ST6GALNAC3: variants seen among roughly 807,000 people sequenced by gnomAD.
The protein encoded by ST6GALNAC3 is ST6 N-acetylgalactosaminide alpha-2,6-sialyltransferase 3.
In ST6GALNAC3, 25 loss-of-function variants were observed where a neutral mutation model predicts 32.7. That is an observed-to-expected ratio of 0.76 (90% CI 0.56 to 1.07). The LOEUF is 1.07. Among genes scored for constraint, ST6GALNAC3 ranks in the 50% least tolerant of loss-of-function variants. The probability of loss-of-function intolerance (pLI) is 0.00; values close to 1 mark genes in which losing one functional copy is unlikely to be tolerated. For missense variants in ST6GALNAC3, 355 were observed against 382.4 expected, an observed-to-expected ratio of 0.93 and a Z score of 0.60; for synonymous variants, 129 against 133.1, an observed-to-expected ratio of 0.97 and a Z score of 0.21.
At chr1:76,307,891 G>C (rs1487299475) in intron 1 of ST6GALNAC3, 1 of 515,870 alleles carries the variant, frequency 1.9e-6, no homozygotes, top group Non-Finnish European at 3.9e-6. Flanking sequence ...TTTGGAATAG[G>C]TATTTCTCCT....
chr1:76,255,815 T>C (rs374568163), intron 1 of ST6GALNAC3, among the ~76,000 whole-genome samples: 3 of 151,882 alleles, frequency 2.0e-5, no homozygotes, highest in South Asian at 2.1e-4. Context: ...AGAACAATAA[T>C]TGTAAACTAG....
chr1:76,195,371 C>T (rs186167889), intron 1 of ST6GALNAC3, among the ~76,000 whole-genome samples: 36 of 152,296 alleles, frequency 2.4e-4, no homozygotes, highest in African/African-American at 6.5e-4. Context: ...ACTGTATTTA[C>T]GTGTGTAGTA....
chr1:76,128,297 T>C (rs1649388524), intron 1 of ST6GALNAC3, among the ~76,000 whole-genome samples: 1 of 152,242 alleles, frequency 6.6e-6, no homozygotes, highest in Non-Finnish European at 1.5e-5. Flanking sequence ...AGTGGAAGAC[T>C]GTACCCAGGC....
intron 1 of ST6GALNAC3, among the ~76,000 whole-genome samples, chr1:76,221,349 C>T (rs570880224): frequency 4.6e-5 from 7 of 152,272 alleles, no homozygotes; most frequent in South Asian, 2.1e-4. Context: ...GGTCTGGGTT[C>T]TAGTTCCAAC....
At chr1:76,216,543 T>C (rs1196856747) in intron 1 of ST6GALNAC3, among the ~76,000 whole-genome samples, 2 of 152,218 alleles carry the variant, frequency 1.3e-5, no homozygotes, top group Non-Finnish European at 2.9e-5. Flanking sequence ...TGCCACCTAA[T>C]TTGTATCTTT....
downstream of ST6GALNAC3, chr1:76,637,179 G>A (rs1649524454): frequency 6.6e-6 from 1 of 152,052 alleles, no homozygotes; most frequent in Non-Finnish European, 1.5e-5. Context: ...CATTTTCCGT[G>A]ATTATAAAAT....
At chr1:76,171,671 A>G (rs1394908207) in intron 1 of ST6GALNAC3, among the ~76,000 whole-genome samples, 2 of 152,136 alleles carry the variant, frequency 1.3e-5, no homozygotes, top group African/African-American at 4.8e-5. Context: ...CTCGATGCAA[A>G]TAAACTAGAA....
At chr1:76,486,796 A>G (rs1005714720) in intron 3 of ST6GALNAC3, among the ~76,000 whole-genome samples, 8 of 152,170 alleles carry the variant, frequency 5.3e-5, no homozygotes, top group African/African-American at 1.7e-4. Context: ...TTTGCTCGTT[A>G]GTTGATGCAG....
intron 1 of ST6GALNAC3, among the ~76,000 whole-genome samples, chr1:76,097,476 T>C (rs1405201644): frequency 6.6e-6 from 1 of 152,196 alleles, no homozygotes; most frequent in East Asian, 1.9e-4. Flanking sequence ...AAGAAGGACA[T>C]GCTTGCTCCC....
chr1:76,184,562 C>CACACACAA (rs1553163156), intron 1 of ST6GALNAC3, among the ~76,000 whole-genome samples: 1 of 147,978 alleles, frequency 6.8e-6, no homozygotes, highest in East Asian at 1.9e-4. Flanking sequence ...CACACACACA[C>CACACACAA]GAAACATATG....
At chr1:76,076,851 A>T (rs1646823077) in intron 1 of ST6GALNAC3, among the ~76,000 whole-genome samples, 1 of 152,224 alleles carries the variant, frequency 6.6e-6, no homozygotes, top group Non-Finnish European at 1.5e-5. Flanking sequence ...GATTTGCCCA[A>T]GGCCACACAG....
chr1:76,602,084 T>G (rs557415513), intron 3 of ST6GALNAC3, among the ~76,000 whole-genome samples: 2 of 151,970 alleles, frequency 1.3e-5, no homozygotes, highest in Admixed American at 6.6e-5. Flanking sequence ...ACCATGTGAG[T>G]GAGGGAGGAT....
At chr1:76,424,702 G>A (rs1320664260) in intron 3 of ST6GALNAC3, among the ~76,000 whole-genome samples, 1 of 151,864 alleles carries the variant, frequency 6.6e-6, no homozygotes, top group Non-Finnish European at 1.5e-5. Flanking sequence ...TACTAAAGAT[G>A]GACTTGTGTA....
intron 3 of ST6GALNAC3, among the ~76,000 whole-genome samples, chr1:76,524,154 G>T (rs1454435194): frequency 6.6e-6 from 1 of 152,112 alleles, no homozygotes; most frequent in African/African-American, 2.4e-5. Context: ...CAAAAAGCCT[G>T]CCAATCTGTT....
intron 1 of ST6GALNAC3, among the ~76,000 whole-genome samples, chr1:76,133,363 A>G (rs902776700): frequency 3.9e-5 from 6 of 152,170 alleles, no homozygotes; most frequent in South Asian, 2.1e-4. Flanking sequence ...AGGGGCCTTC[A>G]GTCTGCATTG....
At chr1:76,252,199 G>A (rs1405065469) in intron 1 of ST6GALNAC3, among the ~76,000 whole-genome samples, 2 of 152,116 alleles carry the variant, frequency 1.3e-5, no homozygotes, top group Non-Finnish European at 2.9e-5. Flanking sequence ...CGTTTGGATG[G>A]GTGGCTGTAT....
intron 3 of ST6GALNAC3, among the ~76,000 whole-genome samples, chr1:76,612,369 C>T (rs1486975359): frequency 6.6e-6 from 1 of 152,162 alleles, no homozygotes; most frequent in African/African-American, 2.4e-5. Context: ...AGCAAAGAAA[C>T]AGATGCAAAA....
intron 2 of ST6GALNAC3, among the ~76,000 whole-genome samples, chr1:76,404,462 A>T (rs1653671302): frequency 6.6e-6 from 1 of 152,114 alleles, no homozygotes; most frequent in African/African-American, 2.4e-5. Context: ...AAAAATTAAA[A>T]TACATTTTTT....
At chr1:76,099,416 T>G (rs534915801) in intron 1 of ST6GALNAC3, among the ~76,000 whole-genome samples, 133 of 152,242 alleles carry the variant, frequency 8.7e-4, no homozygotes, top group African/African-American at 3.1e-3. Context: ...ATGCATATAT[T>G]CATAGCCCCT....
Sources: gnomAD v4.1 joint callset for allele counts (sites outside exome capture counted in the v4.1 genomes callset) on GRCh38, gnomAD v4.1.1 for gene constraint, MANE v1.5 for transcripts, NCBI Gene and HGNC (gene_info 2026-07-23, HGNC 2026-07-21) for gene names.